The following CA10 variants were observed in gnomAD, a reference collection of about 807,000 sequenced individuals.
CA10 encodes carbonic anhydrase-related protein 10.
CA10 carries 14 observed loss-of-function variants against 44.2 expected under a neutral mutation model. The observed-to-expected ratio is 0.32, with a 90% confidence interval of 0.21 to 0.50. The LOEUF (loss-of-function observed/expected upper bound fraction) is 0.50, where lower values mean the gene tolerates loss of function less well. CA10 is among the 20% of genes least tolerant of loss of function. The pLI, the probability that CA10 is intolerant of heterozygous loss-of-function variation, is 0.99. For missense variants in CA10, 350 were observed against 409.7 expected (o/e 0.85, Z 1.26); for synonymous variants, 159 against 141.6 (o/e 1.12, Z -0.87).
intron 3 of CA10, among the ~76,000 whole-genome samples, chr17:51,891,200 TG>T (rs756362230): frequency 6.6e-5 from 10 of 151,972 alleles, no homozygotes; most frequent in Admixed American, 3.9e-4. Context: ...AGGTGCCATG[TG>T]GGGACTGAGG....
intron 2 of CA10, among the ~76,000 whole-genome samples, chr17:52,064,098 T>C (rs889895360): frequency 6.6e-6 from 1 of 152,204 alleles, no homozygotes; most frequent in Admixed American, 6.5e-5. Context: ...AGTAAGGCAC[T>C]TTCCTGCCAA....
At chr17:52,154,221 C>T (rs929973552) in intron 1 of CA10, among the ~76,000 whole-genome samples, 1 of 152,094 alleles carries the variant, frequency 6.6e-6, no homozygotes, top group Non-Finnish European at 1.5e-5. Flanking sequence ...TGAACCAAAA[C>T]ATAAATGATA....
intron 2 of CA10, among the ~76,000 whole-genome samples, chr17:51,969,286 C>A (rs1329973122): frequency 1.3e-5 from 2 of 151,896 alleles, no homozygotes; most frequent in African/African-American, 2.4e-5. Context: ...TTTACATATG[C>A]CACCACATTC....
chr17:51,748,445 T>C, intron 3 of CA10: 1 of 982,934 alleles, frequency 1.0e-6, no homozygotes, highest in Non-Finnish European at 1.2e-6. Flanking sequence ...CCTGATTCCA[T>C]CTTGCTCCAG....
intron 3 of CA10, among the ~76,000 whole-genome samples, chr17:51,924,345 G>A (rs1304411336): frequency 6.6e-6 from 1 of 152,144 alleles, no homozygotes; most frequent in African/African-American, 2.4e-5. Context: ...GAAGTATAAT[G>A]CAAATGTCTG....
At chr17:52,047,058 A>G (rs1986931825) in intron 2 of CA10, among the ~76,000 whole-genome samples, 1 of 151,974 alleles carries the variant, frequency 6.6e-6, no homozygotes, top group South Asian at 2.1e-4. Context: ...GATAAACAAA[A>G]TCTAGAAGCA....
intron 3 of CA10, among the ~76,000 whole-genome samples, chr17:51,834,571 G>A (rs1908405393): frequency 6.6e-6 from 1 of 152,096 alleles, no homozygotes; most frequent in Non-Finnish European, 1.5e-5. Context: ...CATGCTCCTG[G>A]GCTGGCAAGG....
intron 4 of CA10, among the ~76,000 whole-genome samples, chr17:51,715,031 A>G (rs371878339): frequency 2.0e-5 from 3 of 152,202 alleles, no homozygotes; most frequent in Admixed American, 6.5e-5. Flanking sequence ...TGAAAAGAAC[A>G]AAATAAGGGA....
chr17:52,060,062 G>A (rs954945563), intron 2 of CA10, among the ~76,000 whole-genome samples: 3 of 152,088 alleles, frequency 2.0e-5, no homozygotes, highest in South Asian at 2.1e-4. Flanking sequence ...ATAGAAATAC[G>A]TGTCTTTTTA....
chr17:52,108,695 G>A (rs1207854837), intron 1 of CA10, among the ~76,000 whole-genome samples: 9 of 89,082 alleles, frequency 1.0e-4, no homozygotes, highest in East Asian at 6.5e-4. Flanking sequence ...GGGAGACTCC[G>A]TCTCAAAAAA....
At chr17:51,891,448 T>A (rs1379321864) in intron 3 of CA10, among the ~76,000 whole-genome samples, 4 of 152,114 alleles carry the variant, frequency 2.6e-5, no homozygotes, top group Non-Finnish European at 5.9e-5. Context: ...GTGGTAATAG[T>A]TAGCGATTTG....
At chr17:51,738,351 A>T (rs1916982489) in intron 4 of CA10, among the ~76,000 whole-genome samples, 1 of 152,128 alleles carries the variant, frequency 6.6e-6, no homozygotes, top group Non-Finnish European at 1.5e-5. Flanking sequence ...TAGCAATATT[A>T]TCTGGATTAC....
At chr17:51,961,226 C>T (rs1200434406) in intron 2 of CA10, among the ~76,000 whole-genome samples, 1 of 144,664 alleles carries the variant, frequency 6.9e-6, no homozygotes, top group South Asian at 2.2e-4. Context: ...CACACACACA[C>T]AGAGTTTCTT....
chr17:51,904,283 T>C (rs1981446817), intron 3 of CA10, among the ~76,000 whole-genome samples: 1 of 152,044 alleles, frequency 6.6e-6, no homozygotes, highest in Admixed American at 6.6e-5. Flanking sequence ...CTTTGACCAA[T>C]GTGGAGGAAT....
At chr17:52,018,005 A>G (rs1986022135) in intron 2 of CA10, among the ~76,000 whole-genome samples, 1 of 152,146 alleles carries the variant, frequency 6.6e-6, no homozygotes, top group Non-Finnish European at 1.5e-5. Context: ...AAGCCTTTTC[A>G]GCTTCCACAT....
At chr17:51,954,168 A>C (rs898711061) in intron 2 of CA10, among the ~76,000 whole-genome samples, 5 of 152,308 alleles carry the variant, frequency 3.3e-5, no homozygotes, top group Admixed American at 2.0e-4. Flanking sequence ...AAGATAAGTG[A>C]CTTTTTAAAC....
chr17:51,898,931 ATCT>A (rs137888788), intron 3 of CA10, among the ~76,000 whole-genome samples: 14,962 of 149,802 alleles, frequency 0.1, 927 homozygotes, highest in African/African-American at 0.18. Flanking sequence ...GTTTATTTAG[ATCT>A]TCTTTTTTTT....
intron 2 of CA10, among the ~76,000 whole-genome samples, chr17:51,941,611 T>A (rs2144016926): frequency 6.6e-6 from 1 of 152,290 alleles, no homozygotes; most frequent in Non-Finnish European, 1.5e-5. Flanking sequence ...TGCCTCTGGA[T>A]AATCACATGA....
intron 4 of CA10, among the ~76,000 whole-genome samples, chr17:51,672,711 A>C (rs1285829738): frequency 1.3e-5 from 2 of 152,190 alleles, no homozygotes; most frequent in Non-Finnish European, 2.9e-5. Context: ...AGTCCTCTCC[A>C]GTGTCTCAGA....
Sources: gnomAD v4.1 joint callset for allele counts (sites outside exome capture counted in the v4.1 genomes callset) on GRCh38, gnomAD v4.1.1 for gene constraint, MANE v1.5 for transcripts, NCBI Gene and HGNC (gene_info 2026-07-23, HGNC 2026-07-21) for gene names.